MAML3: variants seen among roughly 807,000 people sequenced by gnomAD.
The protein encoded by MAML3 is mastermind like transcriptional coactivator 3, also known as mastermind-like protein 3.
A neutral mutation model predicts 101.9 loss-of-function variants in MAML3; 27 were observed. The ratio of observed to expected loss-of-function variants is 0.27; its 90% CI spans 0.20 to 0.37. MAML3 has a LOEUF of 0.37. Among genes scored for constraint, MAML3 ranks in the 10% least tolerant of loss-of-function variants. The pLI is 1.00. For missense variants in MAML3, 1,316 were observed against 1,444.9 expected, an observed-to-expected ratio of 0.91 and a Z score of 1.45; for synonymous variants, 501 against 555.9, an observed-to-expected ratio of 0.90 and a Z score of 1.39.
intron 1 of MAML3, among the ~76,000 whole-genome samples, chr4:140,049,747 A>C (rs1223232912): frequency 2.6e-5 from 4 of 152,116 alleles, no homozygotes; most frequent in Non-Finnish European, 1.5e-5. Flanking sequence ...TCTAGGCAAA[A>C]AATAAGAGAT....
chr4:140,049,881 A>G (rs1727239898), intron 1 of MAML3, among the ~76,000 whole-genome samples: 1 of 126,224 alleles, frequency 7.9e-6, no homozygotes, highest in South Asian at 2.3e-4. Flanking sequence ...ACGTAATCAC[A>G]GGATTTTTTT....
rs147330043 is a variant in MAML3 at position 140,050,866 on chromosome 4, A to G, written c.468+101994T>C. Among the ~76,000 whole-genome samples, 349 of 152,340 alleles carry G rather than the reference A, an allele frequency of 2.3e-3. 2 individuals are homozygous for G. Among genetic ancestry groups the G allele is most frequent in the African/African-American group, 8.2e-3 (340 of 41,584 alleles). Reference sequence around the variant, plus strand: ...ATCCTGTTTGATACCCAATGAAGTTATCCTGGAAAAAAAATGAAAGTTTTA... The same window carrying G: ...ATCCTGTTTGATACCCAATGAAGTTGTCCTGGAAAAAAAATGAAAGTTTTA... On this transcript the variant is annotated intron_variant, in intron 1 of 4. Transcript: ENST00000509479.
At chr4:140,150,008 C>T (rs1361569313) in intron 1 of MAML3, among the ~76,000 whole-genome samples, 2 of 135,308 alleles carry the variant, frequency 1.5e-5, no homozygotes, top group Non-Finnish European at 3.1e-5. Flanking sequence ...GCTTACATTA[C>T]ATTCATCACA....
At chr4:139,768,234 G>GTA (rs1279686422) in intron 2 of MAML3, among the ~76,000 whole-genome samples, 1 of 148,780 alleles carries the variant, frequency 6.7e-6, no homozygotes, top group Non-Finnish European at 1.5e-5. Context: ...GTGTGTGTGT[G>GTA]TGTGTGTGTG....
intron 1 of MAML3, among the ~76,000 whole-genome samples, chr4:140,136,695 C>G (rs1578703945): frequency 6.6e-6 from 1 of 152,294 alleles, no homozygotes; most frequent in East Asian, 1.9e-4. Context: ...GGATGGATGA[C>G]TAAGTCAAGT....
chr4:140,006,498 A>C (rs1726449680), intron 1 of MAML3, among the ~76,000 whole-genome samples: 1 of 151,148 alleles, frequency 6.6e-6, no homozygotes, highest in African/African-American at 2.4e-5. Context: ...AGGCAAGAGA[A>C]TCACTGGAAC....
At chr4:139,938,784 G>A (rs933651508) in intron 1 of MAML3, among the ~76,000 whole-genome samples, 4 of 152,188 alleles carry the variant, frequency 2.6e-5, no homozygotes, top group Admixed American at 6.5e-5. Context: ...TATATGTATT[G>A]TAATTAAAAT....
intron 2 of MAML3, among the ~76,000 whole-genome samples, chr4:139,732,625 TG>T (rs1157483549): frequency 3.6e-4 from 55 of 151,614 alleles, no homozygotes; most frequent in African/African-American, 1.3e-3. Flanking sequence ...TTTTAAAAAA[TG>T]TAACTTAAAA....
chr4:140,111,795 C>G (rs913829978), intron 1 of MAML3, among the ~76,000 whole-genome samples: 1 of 152,202 alleles, frequency 6.6e-6, no homozygotes, highest in Admixed American at 6.5e-5. Context: ...TAAACTGGCT[C>G]AGAAACCTCC....
intron 2 of MAML3, among the ~76,000 whole-genome samples, chr4:139,849,758 T>G (rs767864777): frequency 2.0e-5 from 3 of 152,262 alleles, no homozygotes; most frequent in Non-Finnish European, 4.4e-5. Flanking sequence ...TCATGTTTGC[T>G]CTATCCTATC....
chr4:140,046,983 G>A (rs11100455), intron 1 of MAML3, among the ~76,000 whole-genome samples: 142,417 of 152,128 alleles, frequency 0.94, 67,306 homozygotes, highest in Non-Finnish European at 1. Flanking sequence ...TAAGTAGAAG[G>A]TGGAAAGTTC....
intron 1 of MAML3, among the ~76,000 whole-genome samples, chr4:139,978,609 A>C (rs1734387275): frequency 7.3e-6 from 1 of 137,488 alleles, no homozygotes; most frequent in South Asian, 2.8e-4. Flanking sequence ...CATCAACCAC[A>C]TCAAAAAAAA....
chr4:140,072,967 C>G (rs1727689912), intron 1 of MAML3, among the ~76,000 whole-genome samples: 1 of 152,048 alleles, frequency 6.6e-6, no homozygotes, highest in Non-Finnish European at 1.5e-5. Flanking sequence ...TGAGCATTTC[C>G]TGGGTGAAAT....
chr4:139,993,906 T>C (rs1268691860), intron 1 of MAML3, among the ~76,000 whole-genome samples: 3 of 152,226 alleles, frequency 2.0e-5, no homozygotes, highest in African/African-American at 7.2e-5. Context: ...TGGTGTTGTA[T>C]CTAAGAATTC....
At chr4:139,936,834 G>A (rs913131163) in intron 1 of MAML3, among the ~76,000 whole-genome samples, 1 of 152,118 alleles carries the variant, frequency 6.6e-6, no homozygotes, top group Non-Finnish European at 1.5e-5. Context: ...TGACCCCCCT[G>A]AAAGAAAGTC....
rs1734126699 is a variant in MAML3, at chr4:139,966,150, A to C, written c.469-75183T>G. Among the ~76,000 whole-genome samples, 2 of 152,192 alleles carry C rather than the reference A, an allele frequency of 1.3e-5. 1 individual carries two copies. Among genetic ancestry groups the C allele is most frequent in the South Asian group, 4.1e-4 (2 of 4,834 alleles). ...AAAAAATACTGCTTGAAACAAACCA[A>C]GAAAAAATTGCTTCCAATCAAGTCT... On this transcript the variant is annotated intron_variant, in intron 1 of 4. Coordinates refer to ENST00000509479, the MANE Select transcript of MAML3 (RefSeq NM_018717.5).
chr4:140,112,518 C>T (rs1728454167), intron 1 of MAML3, among the ~76,000 whole-genome samples: 2 of 152,240 alleles, frequency 1.3e-5, no homozygotes, highest in Admixed American at 1.3e-4. Context: ...CTTGCAGTCA[C>T]ATTGAAACTG....
intron 2 of MAML3, among the ~76,000 whole-genome samples, chr4:139,878,562 A>C (rs1732158169): frequency 6.6e-6 from 1 of 152,156 alleles, no homozygotes; most frequent in Non-Finnish European, 1.5e-5. Flanking sequence ...TTGGGAAAAA[A>C]TAAAGCTGGG....
At chr4:139,992,995 C>A (rs1380892918) in intron 1 of MAML3, among the ~76,000 whole-genome samples, 5 of 152,252 alleles carry the variant, frequency 3.3e-5, no homozygotes, top group African/African-American at 9.6e-5. Flanking sequence ...CTATTTAAAT[C>A]TTTTGCTCAT....
Sources: allele counts gnomAD v4.1 joint callset (sites outside exome capture counted in the v4.1 genomes callset), GRCh38; gene constraint gnomAD v4.1.1; transcripts MANE v1.5; gene names NCBI Gene and HGNC (gene_info 2026-07-23, HGNC 2026-07-21).